The following MELTF variants were observed in gnomAD, a reference collection of about 807,000 sequenced individuals.
MELTF encodes antigen p97 (melanoma associated) identified by monoclonal antibodies 133.2 and 96.5.
Under a neutral mutation model 83.7 loss-of-function variants are expected in MELTF, and 67 were observed. The ratio of observed to expected loss-of-function variants is 0.80; its 90% CI spans 0.66 to 0.98. MELTF has a LOEUF of 0.98. MELTF is among the 50% of genes least tolerant of loss of function. The pLI is 0.00. For synonymous variants in MELTF, 462 were observed against 447.6 expected (o/e 1.03, Z -0.41); for missense variants, 1,002 against 1,035.6 (o/e 0.97, Z 0.44).
intron 3 of MELTF, chr3:197,025,722 G>A (rs1355801661): frequency 6.6e-6 from 1 of 152,504 alleles, no homozygotes; most frequent in Non-Finnish European, 1.5e-5. Flanking sequence ...GGTGTGCAGG[G>A]TTGGACTGTG....
At position 197,003,945 on chromosome 3, in the gene MELTF, A is replaced by G. The variant is rs1232834728; in HGVS notation, c.2093T>C (p.Val698Ala). Reference protein sequence around the residue: ...TYRGWLGLDYVAALEGMSSQQ... With the variant: ...TYRGWLGLDYAAALEGMSSQQ... ...AGACGACATCCCTTCCAGCGCCGCC[A>G]CGTAGTCCAGCCCCAGCCAGCCGCG... The change falls in exon 15 of 16, where the codon GTG becomes GCG. Residue 698 changes from valine (V) to alanine (A), a missense_variant. Physicochemically the swap from Val to Ala is moderately conservative, Grantham distance 64 (BLOSUM62 0). Transcript: ENST00000296350. This position sits in a 1 kb window ranked among gnomAD's most constrained non-coding sequence, Gnocchi z 6.2. The G allele has an allele frequency of 1.2e-6, 2 of 1,613,926 alleles. No individual in the cohort carries two copies. Among genetic ancestry groups the G allele is most frequent in the African/African-American group, 1.3e-5 (1 of 74,940 alleles).
chr3:197,016,739 C>T lies in MELTF; in HGVS notation c.900+364G>A, dbSNP rs73082567. On this transcript the variant is annotated intron_variant, in intron 7 of 15. Coordinates refer to ENST00000296350, the MANE Select transcript of MELTF (RefSeq NM_005929.6). The stretch of plus-strand genomic sequence containing the variant: ...AGAAGTCTATTGCTGTCACAAGCGG[C>T]GGTTTTAGCCAAACCTTATTCGCCA... Among the ~76,000 whole-genome samples, 309 of 152,364 alleles carry T rather than the reference C, an allele frequency of 2.0e-3. 1 individual carries two copies. Among genetic ancestry groups the T allele is most frequent in the African/African-American group, 7.2e-3 (301 of 41,592 alleles).
chr3:197,027,786 G>A lies in MELTF; in HGVS notation c.174C>T (p.Thr58=), dbSNP rs1719919579. The A allele has an allele frequency of 6.2e-7, 1 of 1,610,938 alleles. No individual in the cohort carries two copies. The highest frequency in any genetic ancestry group is 1.7e-5 in the Admixed American group (1 of 59,864). ...TGAGCTGGACGCAGTGGTCGGCGGAGGTGCCCCGGACGCAGAGGAGGGAGG... is the reference window on the plus strand; with the variant it reads ...TGAGCTGGACGCAGTGGTCGGCGGAAGTGCCCCGGACGCAGAGGAGGGAGG... ...IQPSLLCVRG[T]SADHCVQLIA... Residue 58 remains threonine, a synonymous_variant, in exon 2 of 16, where the codon ACC becomes ACT. Transcript: ENST00000296350.
At position 197,029,720 on chromosome 3, in the gene MELTF, C is replaced by A. The variant is rs948075973; in HGVS notation, c.-18G>T. ...CCCCGCATGGCGCCGTCGGGGCTGG[C>A]TGGGGCCGGGCTGGGGCTGGGTCCG... On this transcript the variant is annotated 5_prime_UTR_variant, in exon 1 of 16. Coordinates refer to ENST00000296350, the MANE Select transcript of MELTF (RefSeq NM_005929.6). This position sits in a 1 kb window ranked among gnomAD's most constrained non-coding sequence, Gnocchi z 6.5. 27 of 1,234,902 alleles carry A rather than the reference C, an allele frequency of 2.2e-5. No individual in the cohort carries two copies. The African/African-American group carries it at 4.2e-4, about 19-fold the overall frequency. 76.5% of individuals were successfully genotyped at this position (1,234,902 alleles called of 1,614,324 possible). A position where few individuals can be genotyped will look rare whatever the true frequency, so the allele number is the denominator to read the frequency against.
intron 9 of MELTF, among the ~76,000 whole-genome samples, chr3:197,013,943 A>G (rs1302888762): frequency 6.6e-6 from 1 of 152,246 alleles, no homozygotes; most frequent in Admixed American, 6.5e-5. Flanking sequence ...ACAGTACGGA[A>G]GTCCCTCCAC....
intron 5 of MELTF, among the ~76,000 whole-genome samples, chr3:197,021,848 T>C (rs1443170297): frequency 6.6e-6 from 1 of 152,032 alleles, no homozygotes; most frequent in African/African-American, 2.4e-5. Flanking sequence ...TTTCTGTGTG[T>C]TTGTTTTCGT....
At chr3:197,026,883 T>G (rs1438854351) in intron 2 of MELTF, 124 bp from the exon 3 acceptor site, 4 of 734,696 alleles carry the variant, frequency 5.4e-6, no homozygotes, top group Non-Finnish European at 9.3e-6. Context: ...GTCCTTCTCA[T>G]CTGTCCCAGG....
chr3:197,028,258 T>C, intron 1 of MELTF: 1 of 236,872 alleles, frequency 4.2e-6, no homozygotes, highest in Non-Finnish European at 8.5e-6. Context: ...TGGAAGCTTC[T>C]TCCCCTCTCC....
At chr3:197,017,338 G>A in intron 6 of MELTF, 48 bp from the exon 7 acceptor site, 3 of 1,457,776 alleles carry the variant, frequency 2.1e-6, no homozygotes, top group Admixed American at 5.1e-5. Flanking sequence ...AGGGGTTGGG[G>A]CGGGTGGCGG....
In MELTF at chr3:197,024,159, C is replaced by CGG; in HGVS notation, c.487+142_487+143dup. 5 of 565,440 alleles carry CGG rather than the reference C, an allele frequency of 8.8e-6. No homozygotes were observed. Among genetic ancestry groups the CGG allele is most frequent in the Admixed American group, 7.8e-5 (1 of 12,860 alleles). The allele number at this position is 565,440 out of a possible 1,614,324, so 35.0% of individuals were successfully genotyped here. On this transcript the variant is annotated intron_variant, in intron 4 of 15. Transcript: ENST00000296350. This position sits in a 1 kb window ranked among gnomAD's most constrained non-coding sequence, Gnocchi z 5.3. Reference sequence around the variant, plus strand: ...CGGCAGAGTGGAGGCGGGGGAGGCACGGGGCGGGCGGGGGCTGCTGCGCCT... The same window carrying CGG: ...CGGCAGAGTGGAGGCGGGGGAGGCACGGGGGGCGGGCGGGGGCTGCTGCGCCT...
chr3:197,028,116 G>A (rs1719940737), intron 1 of MELTF: 4 of 579,948 alleles, frequency 6.9e-6, no homozygotes, highest in Non-Finnish European at 1.2e-5. Flanking sequence ...CTGACCAGGA[G>A]CACGGCTGCT....
chr3:197,016,609 C>T (rs1014506835), intron 7 of MELTF, among the ~76,000 whole-genome samples: 2 of 152,234 alleles, frequency 1.3e-5, no homozygotes, highest in Admixed American at 6.5e-5. Context: ...GCTGTTTGGA[C>T]ACATGGCTGT....
chr3:197,010,855 G>T, intron 9 of MELTF, 61 bp from the exon 10 acceptor site: 3 of 1,499,582 alleles, frequency 2.0e-6, no homozygotes, highest in South Asian at 2.3e-5. Context: ...TGGATGTCGG[G>T]GTCCTGTGGA....
In MELTF at chr3:197,004,028, G is replaced by A; in HGVS notation, c.2010C>T (p.Asp670=). 1 of 1,614,174 alleles carries A rather than the reference G, an allele frequency of 6.2e-7. No individual in the cohort carries two copies. The highest frequency in any genetic ancestry group is 8.5e-7 in the Non-Finnish European group (1 of 1,180,020). The change falls in exon 15 of 16, where the codon GAC becomes GAT. Residue 670 remains aspartate (D), a synonymous_variant. Transcript: ENST00000296350. Reference sequence around the variant, plus strand: ...GGACGGTGGCATCCTTGAAAAGCAGGTCTTGGCCATGATAGTTGGAGGAGT... The same window carrying A: ...GGACGGTGGCATCCTTGAAAAGCAGATCTTGGCCATGATAGTTGGAGGAGT... ...MFDSSNYHGQ[D]LLFKDATVRA... is the part of the protein sequence containing the mutation.
Position 197,026,623 on chromosome 3 carries a change from G to A in MELTF, c.304+37C>T, listed in dbSNP as rs200062355. 2.6e-4 allele frequency: 403 copies of A among 1,578,882 alleles called. 1 individual carries two copies. Among genetic ancestry groups the A allele is most frequent in the South Asian group, 5.5e-4 (50 of 90,480 alleles). ...GCAGCCTGGAGAGCTGACTTCCAGCGCAGGCTGTCCTCTCTCCTCCCACTG... is the reference window on the plus strand; with the variant it reads ...GCAGCCTGGAGAGCTGACTTCCAGCACAGGCTGTCCTCTCTCCTCCCACTG... On this transcript the variant is annotated intron_variant, in intron 3 of 15. Transcript: ENST00000296350.
chr3:197,015,304 A>T, intron 9 of MELTF, 61 bp downstream of exon 9: 1 of 1,503,840 alleles, frequency 6.6e-7, no homozygotes, highest in South Asian at 1.3e-5. Flanking sequence ...GGTAGTAAGA[A>T]CTGCCCAGGC....
At chr3:197,017,619 T>A (rs573438874) in intron 6 of MELTF, among the ~76,000 whole-genome samples, 1 of 152,352 alleles carries the variant, frequency 6.6e-6, no homozygotes, top group African/African-American at 2.4e-5. Flanking sequence ...GGCTCACGCC[T>A]GTAATCCCAG....
At chr3:197,028,213 A>G (rs1425257452) in intron 1 of MELTF, 1 of 352,628 alleles carries the variant, frequency 2.8e-6, no homozygotes, top group African/African-American at 2.0e-5. Flanking sequence ...ACCTGGTGGG[A>G]GCACTGGCTA....
At position 197,019,214 on chromosome 3, in the gene MELTF, C is replaced by A. The variant is rs149421164; in HGVS notation, c.713-1924G>T. ...GCTTCCCAACTTTCCTGTTTTTCGG[C>A]GGCTGCAAAACCTTTGGTTAGAGCT... On this transcript the variant is annotated intron_variant, in intron 6 of 15. Coordinates refer to ENST00000296350, the MANE Select transcript of MELTF (RefSeq NM_005929.6). 71 of 1,002,848 alleles carry A rather than the reference C, an allele frequency of 7.1e-5. 1 individual carries two copies. In the East Asian group the frequency reaches 1.6e-3, roughly 22 times the overall value. 62.1% of individuals were successfully genotyped at this position (1,002,848 alleles called of 1,614,324 possible).
Sources: allele counts gnomAD v4.1 joint callset (sites outside exome capture counted in the v4.1 genomes callset), GRCh38; gene constraint gnomAD v4.1.1; non-coding constraint Gnocchi (gnomAD v3.1); transcripts MANE v1.5; gene names NCBI Gene and HGNC (gene_info 2026-07-23, HGNC 2026-07-21).